Variants in ZNF454 observed in about 807,000 individuals in gnomAD.
ZNF454 encodes zinc finger protein 454.
In ZNF454, 30 loss-of-function variants were observed where a neutral mutation model predicts 48.2. That is an observed-to-expected ratio of 0.62 (90% CI 0.47 to 0.84). The LOEUF (loss-of-function observed/expected upper bound fraction) is 0.84, where lower values mean the gene tolerates loss of function less well. ZNF454 is among the 40% of genes least tolerant of loss of function. The probability of loss-of-function intolerance (pLI) is 0.00; values close to 1 mark genes in which losing one functional copy is unlikely to be tolerated. For missense variants in ZNF454, 510 were observed against 623.1 expected, an observed-to-expected ratio of 0.82 and a Z score of 1.93; for synonymous variants, 204 against 211.4, an observed-to-expected ratio of 0.97 and a Z score of 0.30.
At chr5:178,984,641 G>A in the ZNF454 span, among the ~76,000 whole-genome samples, 3 of 152,138 alleles carry the variant, frequency 2.0e-5, 1 homozygote, top group South Asian at 6.2e-4. Context: ...AGGCCGGGAC[G>A]TAGAGGGCAC....
intron 4 of ZNF454, among the ~76,000 whole-genome samples, chr5:178,949,620 T>C (rs1759477286): frequency 6.6e-6 from 1 of 152,044 alleles, no homozygotes; most frequent in Admixed American, 6.6e-5. Context: ...TTTTTTGTTT[T>C]TTGTTGTTGT....
the ZNF454 span, chr5:178,989,953 T>A: frequency 4.9e-6 from 1 of 206,120 alleles, no homozygotes; most frequent in Non-Finnish European, 9.9e-6. Context: ...GATGCCTTTA[T>A]CGCTAAAACT....
At chr5:178,966,500 A>G (rs2113286272), downstream of ZNF454, 1 of 152,198 alleles carries the variant, frequency 6.6e-6, no homozygotes, top group South Asian at 2.1e-4. Flanking sequence ...AAATAGCAGT[A>G]CTGTTTGATT....
chr5:178,977,572 C>CTTTT, the ZNF454 span: 2 of 182,634 alleles, frequency 1.1e-5, no homozygotes, highest in South Asian at 7.3e-5. Context: ...ATTCAGTCTT[C>CTTTT]TTTTTTTTTT....
At chr5:178,987,431 G>A in the ZNF454 span, 1 of 458,224 alleles carries the variant, frequency 2.2e-6, no homozygotes, top group Non-Finnish European at 4.4e-6. Context: ...ACAGAAGAAT[G>A]GACGAACACG....
At chr5:178,983,052 C>A in the ZNF454 span, 1 of 1,614,048 alleles carries the variant, frequency 6.2e-7, no homozygotes, top group Non-Finnish European at 8.5e-7. Context: ...GTACACTGTG[C>A]ACGTGACCAT....
At position 178,942,689 on chromosome 5, in the gene ZNF454, T is replaced by G; in HGVS notation, c.-103T>G. 1 of 1,301,526 alleles carries G rather than the reference T, an allele frequency of 7.7e-7. No individual in the cohort carries two copies. Among genetic ancestry groups the G allele is most frequent in the Non-Finnish European group, 1.1e-6 (1 of 903,278 alleles). The allele number at this position is 1,301,526 out of a possible 1,614,324, so 80.6% of individuals were successfully genotyped here. ...GACCCAGTTCTCTCCTAATAGCAGG[T>G]GTGTGGACCCTTCTAGCCTGAGGAG... On this transcript the variant is annotated 5_prime_UTR_variant, in exon 2 of 5. Transcript: ENST00000519564.
intron 2 of ZNF454, among the ~76,000 whole-genome samples, chr5:178,945,098 TTCGGGTGTGTGTGC>T (rs1375190952): frequency 5.6e-4 from 55 of 97,720 alleles, no homozygotes; most frequent in Non-Finnish European, 1.1e-3. Flanking sequence ...GGTGTGTGTG[TTCGGGTGTGTGTGC>T]GCGCTTGCAT....
the ZNF454 span, chr5:178,987,104 A>T: frequency 9.6e-7 from 1 of 1,037,544 alleles, no homozygotes; most frequent in Non-Finnish European, 1.4e-6. Flanking sequence ...CTCATAAGGG[A>T]CGTGCAAATC....
At chr5:178,943,365 C>T (rs1232194310) in intron 2 of ZNF454, among the ~76,000 whole-genome samples, 1 of 152,140 alleles carries the variant, frequency 6.6e-6, no homozygotes, top group Admixed American at 6.5e-5. Context: ...GACTCTTAAA[C>T]AACTGGATCT....
At chr5:178,954,469 A>T (rs1228001433) in intron 4 of ZNF454, among the ~76,000 whole-genome samples, 1 of 152,076 alleles carries the variant, frequency 6.6e-6, no homozygotes, top group Non-Finnish European at 1.5e-5. Context: ...CTCATCTTTT[A>T]TGCACTTTGG....
the ZNF454 span, chr5:178,989,507 G>A: frequency 1.4e-6 from 2 of 1,467,676 alleles, no homozygotes; most frequent in Non-Finnish European, 1.9e-6. Context: ...GAGTGGCCAG[G>A]TGAGCTAGGA....
chr5:178,975,227 G>A, the ZNF454 span, among the ~76,000 whole-genome samples: 1 of 152,244 alleles, frequency 6.6e-6, no homozygotes, highest in East Asian at 1.9e-4. Flanking sequence ...GCTGCAGTGA[G>A]CTCAGATCAC....
At chr5:178,982,999 T>A in the ZNF454 span, 1 of 1,614,162 alleles carries the variant, frequency 6.2e-7, no homozygotes, top group Non-Finnish European at 8.5e-7. Flanking sequence ...CCGATGGGCT[T>A]GGCCTCGTTG....
chr5:178,969,964 G>T (rs1403923472), downstream of ZNF454, among the ~76,000 whole-genome samples: 1 of 152,118 alleles, frequency 6.6e-6, no homozygotes, highest in Admixed American at 6.6e-5. Flanking sequence ...TTGTCATCTG[G>T]GTTCTTTCTC....
intron 4 of ZNF454, among the ~76,000 whole-genome samples, chr5:178,950,861 C>CTT (rs560753478): frequency 7.1e-5 from 10 of 141,222 alleles, no homozygotes; most frequent in Non-Finnish European, 1.2e-4. Flanking sequence ...CCATTTCTTT[C>CTT]TTTTTTTTTT....
the ZNF454 span, chr5:178,983,461 C>G: frequency 7.3e-6 from 5 of 688,808 alleles, no homozygotes; most frequent in Non-Finnish European, 8.0e-6. Context: ...CGGAGAAGGG[C>G]TGTGCCGCCC....
chr5:178,977,968 C>A, the ZNF454 span, among the ~76,000 whole-genome samples: 1 of 152,216 alleles, frequency 6.6e-6, no homozygotes, highest in African/African-American at 2.4e-5. Context: ...TTCTTCTTAT[C>A]AGAGCCTTAT....
At chr5:178,959,020 C>CTTTT (rs59427023) in intron 4 of ZNF454, among the ~76,000 whole-genome samples, 2 of 149,176 alleles carry the variant, frequency 1.3e-5, no homozygotes. Flanking sequence ...CATCAGAGGT[C>CTTTT]TTTTTTTTTT....
Sources: allele counts gnomAD v4.1 joint callset (sites outside exome capture counted in the v4.1 genomes callset), GRCh38; gene constraint gnomAD v4.1.1; transcripts MANE v1.5; gene names NCBI Gene and HGNC (gene_info 2026-07-23, HGNC 2026-07-21).